The following CNTLN variants were observed in gnomAD, a reference collection of about 807,000 sequenced individuals.
CNTLN encodes centlein.
CNTLN carries 212 observed loss-of-function variants against 180.0 expected under a neutral mutation model. The ratio of observed to expected loss-of-function variants is 1.18; its 90% CI spans 1.05 to 1.32. The LOEUF is 1.32. Among genes scored for constraint, CNTLN ranks in the 40% most tolerant of loss-of-function variants. CNTLN has a pLI of 0.00. For synonymous variants in CNTLN, 722 were observed against 563.1 expected, an observed-to-expected ratio of 1.28 and a Z score of -3.99; for missense variants, 2,095 against 1,610.9, an observed-to-expected ratio of 1.30 and a Z score of -5.14.
At chr9:17,282,896 G>T (rs982607259) in intron 6 of CNTLN, among the ~76,000 whole-genome samples, 1 of 152,090 alleles carries the variant, frequency 6.6e-6, no homozygotes, top group African/African-American at 2.4e-5. Flanking sequence ...TCAGATGGTT[G>T]TAGATGTGCG....
chr9:17,275,237 T>A (rs566891326), intron 6 of CNTLN, among the ~76,000 whole-genome samples: 1 of 152,176 alleles, frequency 6.6e-6, no homozygotes, highest in Non-Finnish European at 1.5e-5. Flanking sequence ...CTATTTTCAT[T>A]TTATATTGTT....
chr9:17,458,029 G>A (rs2197153), intron 19 of CNTLN, among the ~76,000 whole-genome samples: 103,418 of 151,660 alleles, frequency 0.68, 40,568 homozygotes, highest in Non-Finnish European at 0.86. Context: ...ATCCTTTCAG[G>A]CATGTAATGC....
intron 15 of CNTLN, among the ~76,000 whole-genome samples, chr9:17,406,884 T>G (rs1827435265): frequency 6.6e-6 from 1 of 151,682 alleles, no homozygotes; most frequent in South Asian, 2.1e-4. Flanking sequence ...CCAAGGGCTC[T>G]CCAATCAAAT....
At chr9:17,202,378 C>A (rs962050924) in intron 2 of CNTLN, among the ~76,000 whole-genome samples, 1 of 152,072 alleles carries the variant, frequency 6.6e-6, no homozygotes, top group African/African-American at 2.4e-5. Context: ...AGTTCAAGGC[C>A]TGAATATCCT....
intron 15 of CNTLN, among the ~76,000 whole-genome samples, chr9:17,405,513 C>T (rs1385329648): frequency 1.3e-5 from 2 of 151,688 alleles, no homozygotes; most frequent in African/African-American, 4.9e-5. Flanking sequence ...GCTTTTATAA[C>T]AAGCCTGTTC....
intron 16 of CNTLN, among the ~76,000 whole-genome samples, chr9:17,410,676 A>G (rs544412817): frequency 1.3e-5 from 2 of 151,912 alleles, no homozygotes; most frequent in Middle Eastern, 3.4e-3. Context: ...CTGATTTCCT[A>G]TATTTTTCTG....
chr9:17,351,069 C>T (rs2133290629), intron 12 of CNTLN, among the ~76,000 whole-genome samples: 1 of 152,208 alleles, frequency 6.6e-6, no homozygotes. Context: ...AAATTCTCGC[C>T]AGTATATGAA....
At position 17,366,639 on chromosome 9, in the gene CNTLN, G is replaced by A. The variant is rs1021874852; in HGVS notation, c.1909G>A (p.Asp637Asn). The A allele has an allele frequency of 1.3e-6, 2 of 1,546,272 alleles. No homozygotes were observed. Among genetic ancestry groups the A allele is most frequent in the Non-Finnish European group, 1.8e-6 (2 of 1,126,074 alleles). The change falls in exon 13 of 26, where the codon GAT becomes AAT. Residue 637 changes from aspartate to asparagine, a missense_variant. By Grantham distance (23) the Asp-to-Asn change is conservative. Transcript: ENST00000380647. ...TAGGATGAATCTTGAAGAAGAATTA[G>A]ATGAACTTAAAGTACATATATCTAT... is the stretch of plus-strand genomic sequence containing the variant. ...IQKMNLEEEL[D>N]ELKVHISIDK...
chr9:17,284,693 TTTCAACAAACGGC>T (rs1281665289), intron 6 of CNTLN, among the ~76,000 whole-genome samples: 2 of 152,174 alleles, frequency 1.3e-5, no homozygotes, highest in Non-Finnish European at 2.9e-5. Context: ...TTATTAATTT[TTTCAACAAACGGC>T]TTCTGGATTC....
chr9:17,167,242 A>G (rs1820132488), intron 2 of CNTLN: 2 of 162,612 alleles, frequency 1.2e-5, no homozygotes, highest in Non-Finnish European at 2.7e-5. Context: ...TCCAAATGTG[A>G]TGCCATATTG....
chr9:17,291,440 A>G (rs184573035), intron 6 of CNTLN, among the ~76,000 whole-genome samples: 1 of 152,142 alleles, frequency 6.6e-6, no homozygotes, highest in Admixed American at 6.5e-5. Flanking sequence ...GTGGGAGTCT[A>G]AGTGTCTTTG....
chr9:17,239,767 T>A, intron 5 of CNTLN, among the ~76,000 whole-genome samples: 1 of 152,302 alleles, frequency 6.6e-6, no homozygotes, highest in Non-Finnish European at 1.5e-5. Context: ...TTATTGAATA[T>A]CAGTTGACTG....
intron 12 of CNTLN, among the ~76,000 whole-genome samples, chr9:17,348,324 T>C (rs1233297069): frequency 6.6e-6 from 1 of 152,166 alleles, no homozygotes; most frequent in African/African-American, 2.4e-5. Flanking sequence ...GTGGATCTTA[T>C]TTAAATCTTT....
chr9:17,521,624 C>T, the CNTLN span, among the ~76,000 whole-genome samples: 12 of 152,110 alleles, frequency 7.9e-5, no homozygotes, highest in African/African-American at 2.9e-4. Context: ...TTTAGGATCG[C>T]CCTTTTCTCC....
chr9:17,210,254 G>A (rs531626229), intron 2 of CNTLN, among the ~76,000 whole-genome samples: 2 of 152,006 alleles, frequency 1.3e-5, no homozygotes, highest in Non-Finnish European at 2.9e-5. Flanking sequence ...TAATGTTGCC[G>A]TTCCTGTGTC....
intron 10 of CNTLN, among the ~76,000 whole-genome samples, chr9:17,334,702 G>T (rs1391177824): frequency 6.6e-6 from 1 of 152,066 alleles, no homozygotes; most frequent in Non-Finnish European, 1.5e-5. Context: ...TCATTTATAA[G>T]TGGGGGCTAA....
intron 5 of CNTLN, among the ~76,000 whole-genome samples, chr9:17,256,201 G>C (rs879757021): frequency 2.6e-5 from 4 of 151,818 alleles, no homozygotes; most frequent in Admixed American, 2.6e-4. Context: ...CTATTCTGTT[G>C]TGATGCATAT....
At chr9:17,471,064 G>T (rs1213102739) in intron 23 of CNTLN, among the ~76,000 whole-genome samples, 1 of 152,104 alleles carries the variant, frequency 6.6e-6, no homozygotes. Context: ...TGACAGCTGT[G>T]TTTAGAGAAA....
In CNTLN at chr9:17,481,680, C is replaced by T. The variant is rs562976413; in HGVS notation, c.3856-2615C>T. 6.6e-5 allele frequency among the ~76,000 whole-genome samples: 10 copies of T among 152,330 alleles called. No homozygotes were observed. The East Asian group carries it at 1.9e-3, about 29-fold the overall frequency. ...CCCCCAACTGTGGATGATTATGAAGCCTACCTGCAGCCCAACTGCAAAGCC... is the reference window on the plus strand; with the variant it reads ...CCCCCAACTGTGGATGATTATGAAGTCTACCTGCAGCCCAACTGCAAAGCC... On this transcript the variant is annotated intron_variant, in intron 23 of 25. Coordinates refer to ENST00000380647, the MANE Select transcript of CNTLN (RefSeq NM_017738.4).
Sources: gnomAD v4.1 joint callset for allele counts (sites outside exome capture counted in the v4.1 genomes callset) on GRCh38, gnomAD v4.1.1 for gene constraint, MANE v1.5 for transcripts, NCBI Gene and HGNC (gene_info 2026-07-23, HGNC 2026-07-21) for gene names.